The following RANBP10 variants were observed in gnomAD, a reference collection of about 807,000 sequenced individuals.
RANBP10 encodes ran-binding protein 10.
Under a neutral mutation model 72.8 loss-of-function variants are expected in RANBP10, and 24 were observed. The ratio of observed to expected loss-of-function variants is 0.33; its 90% confidence interval spans 0.24 to 0.46. The LOEUF is 0.46. RANBP10 is among the 20% of genes least tolerant of loss of function. The pLI, the probability that RANBP10 is intolerant of heterozygous loss-of-function variation, is 1.00. For missense variants in RANBP10, 679 were observed against 817.5 expected (o/e 0.83, Z 2.07); for synonymous variants, 310 against 322.3 (o/e 0.96, Z 0.41).
At chr16:67,768,991 T>C (rs1325481162) in intron 3 of RANBP10, among the ~76,000 whole-genome samples, 1 of 152,252 alleles carries the variant, frequency 6.6e-6, no homozygotes, top group Non-Finnish European at 1.5e-5. Context: ...ATTACAAGTT[T>C]TTCTGTAGCT....
intron 3 of RANBP10, among the ~76,000 whole-genome samples, chr16:67,767,009 A>G (rs1297870908): frequency 6.6e-6 from 1 of 152,190 alleles, no homozygotes; most frequent in Non-Finnish European, 1.5e-5. Flanking sequence ...AGACAAGTGC[A>G]ATATCCACTG....
chr16:67,767,454 CAAAAAAAAAA>C (rs1178049394), intron 3 of RANBP10, among the ~76,000 whole-genome samples: 18,396 of 64,166 alleles, frequency 0.29, 1,567 homozygotes, highest in African/African-American at 0.35. Flanking sequence ...GACCCTGTTT[CAAAAAAAAAA>C]AAAAAAAAAA....
intron 2 of RANBP10, among the ~76,000 whole-genome samples, chr16:67,797,000 C>T (rs754538958): frequency 2.0e-5 from 3 of 152,284 alleles, no homozygotes; most frequent in Middle Eastern, 3.4e-3. Flanking sequence ...CAACTTGACC[C>T]GACCACACAA....
intron 3 of RANBP10, 61 bp downstream of exon 3, chr16:67,771,973 G>T: frequency 6.4e-7 from 1 of 1,564,170 alleles, no homozygotes. Flanking sequence ...CTACCACCAT[G>T]ACTCTCAACC....
intron 2 of RANBP10, among the ~76,000 whole-genome samples, chr16:67,794,930 T>TAAAAAAAAAAAAAAAAAAA (rs1239858200): frequency 1.8e-5 from 1 of 54,288 alleles, no homozygotes; most frequent in African/African-American, 6.0e-5. Flanking sequence ...TGCCTCAAAT[T>TAAAAAAAAAAAAAAAAAAA]AAAAAAAAAA....
intron 5 of RANBP10, among the ~76,000 whole-genome samples, chr16:67,736,574 A>G (rs1387258799): frequency 1.3e-5 from 2 of 151,864 alleles, no homozygotes; most frequent in African/African-American, 4.8e-5. Flanking sequence ...TTCCCCTACC[A>G]TCCTCCACCA....
chr16:67,744,124 C>G (rs924902267), intron 4 of RANBP10, 164 bp downstream of exon 4: 1 of 1,406,522 alleles, frequency 7.1e-7, no homozygotes. Context: ...CAAAGGCGTG[C>G]CCCTGCTACC....
At chr16:67,733,408 TA>T (rs1438367125) in intron 6 of RANBP10, among the ~76,000 whole-genome samples, 2 of 152,080 alleles carry the variant, frequency 1.3e-5, no homozygotes, top group Non-Finnish European at 2.9e-5. Flanking sequence ...TACACCATAT[TA>T]TTATTATAAA....
Position 67,729,306 on chromosome 16 carries a change from G to T in RANBP10, c.1326C>A (p.His442Gln). The T allele has an allele frequency of 6.2e-7, 1 of 1,612,680 alleles. No individual in the cohort carries two copies. Among genetic ancestry groups the T allele is most frequent in the Non-Finnish European group, 8.5e-7 (1 of 1,179,794 alleles). ...TGGTCTCCTGGTTACTGGTACTGCT[G>T]TGGTGCTGGGACTTGGTGGAGTCTG... ...NSTDSTKSQH[H>Q]SSTSNQETSD... is the part of the protein sequence containing the mutation. The change falls in exon 10 of 14, where the codon CAC (histidine) becomes CAA (glutamine). Residue 442 changes from histidine (H) to glutamine (Q), a missense_variant. Physicochemically the swap from His to Gln is conservative, Grantham distance 24. Transcript: ENST00000317506. The surrounding 1 kb of genome is among the most constrained non-coding windows in gnomAD (Gnocchi z 7.1).
intron 2 of RANBP10, among the ~76,000 whole-genome samples, chr16:67,790,178 T>C (rs1252104124): frequency 2.0e-5 from 3 of 151,168 alleles, no homozygotes; most frequent in Non-Finnish European, 4.4e-5. Context: ...CATAATGCTA[T>C]GTGAAATGGG....
chr16:67,729,961 GT>G lies in RANBP10; in HGVS notation c.974del (p.Asn325ThrfsTer17). The G allele has an allele frequency of 6.2e-7, 1 of 1,613,814 alleles. No individual in the cohort carries two copies. The highest frequency in any genetic ancestry group is 8.5e-7 in the Non-Finnish European group (1 of 1,180,028). Reference sequence around the variant, plus strand: ...ACTTGAGCATGAAGAGGAGGTTGGGGTTGTGCTCCAGCAGCCCTGGGTAGAA... The same window carrying G: ...ACTTGAGCATGAAGAGGAGGTTGGGGTGTGCTCCAGCAGCCCTGGGTAGAA... ...QRFYPGLLEH[N>X]PNLLFMLKCR... On this transcript the variant is annotated frameshift_variant, in exon 8 of 14. Coordinates refer to ENST00000317506, the MANE Select transcript of RANBP10 (RefSeq NM_020850.3). LOFTEE classifies it high-confidence loss of function. The surrounding 1 kb of genome is among the most constrained non-coding windows in gnomAD (Gnocchi z 7.1).
chr16:67,727,510 G>A (rs2053628398), intron 12 of RANBP10, 72 bp from the exon 13 acceptor site: 2 of 1,439,512 alleles, frequency 1.4e-6, no homozygotes, highest in Admixed American at 4.0e-5. Flanking sequence ...TGGCTCCAGA[G>A]GGAGACAGGG....
chr16:67,770,434 C>CT (rs1330302211), intron 3 of RANBP10, among the ~76,000 whole-genome samples: 5 of 151,806 alleles, frequency 3.3e-5, no homozygotes, highest in Admixed American at 2.0e-4. Flanking sequence ...AGAAATCAGT[C>CT]TACTAGAAAA....
intron 3 of RANBP10, chr16:67,759,550 T>A (rs576559489): frequency 6.6e-6 from 1 of 152,302 alleles, no homozygotes; most frequent in African/African-American, 2.4e-5. Context: ...AGAAGCATAG[T>A]GGGCCCTGAT....
At chr16:67,755,100 G>A (rs544213544) in intron 3 of RANBP10, among the ~76,000 whole-genome samples, 1 of 152,002 alleles carries the variant, frequency 6.6e-6, no homozygotes, top group Non-Finnish European at 1.5e-5. Flanking sequence ...CCTCCTTCCC[G>A]ACCCAACCAC....
chr16:67,767,599 A>T (rs1314879048), intron 3 of RANBP10, among the ~76,000 whole-genome samples: 1 of 149,496 alleles, frequency 6.7e-6, no homozygotes. Flanking sequence ...TTGTCTCTAC[A>T]ATTTTTTTTT....
Position 67,806,469 on chromosome 16 carries a change from G to A in RANBP10, c.68C>T (p.Ala23Val), listed in dbSNP as rs2055448668. 6.4e-7 allele frequency: 1 copy of A among 1,556,692 alleles called. No individual in the cohort carries two copies. Among genetic ancestry groups the A allele is most frequent in the Non-Finnish European group, 8.7e-7 (1 of 1,156,036 alleles). The change falls in exon 1 of 14, where the codon GCT becomes GTT. Residue 23 changes from alanine to valine, a missense_variant. Ala to Val is a moderately conservative substitution (Grantham distance 64). Transcript: ENST00000317506. ...PQPGDSSGGG[A>V]GGGLPSPGEQ... The stretch of plus-strand genomic sequence containing the variant: ...CCCAGGGGACGGCAGCCCGCCCCCA[G>A]CGCCCCCGCCGGAGGAGTCCCCAGG...
chr16:67,730,651 G>A lies in RANBP10; in HGVS notation c.890-605C>T, dbSNP rs116198521. Among the ~76,000 whole-genome samples the A allele has an allele frequency of 0.012, 1,768 of 152,278 alleles. 28 individuals are homozygous for A. The highest frequency in any genetic ancestry group is 0.035 in the African/African-American group (1,442 of 41,550). ...CTTGCCGTGGGGCCTGGTGCATCTC[G>A]CTGGGAGCAACTTCAGAGTCTGAGG... On this transcript the variant is annotated intron_variant, in intron 7 of 13. Coordinates refer to ENST00000317506, the MANE Select transcript of RANBP10 (RefSeq NM_020850.3). The surrounding 1 kb of genome is among the most constrained non-coding windows in gnomAD (Gnocchi z 4.3).
chr16:67,728,688 G>A, intron 10 of RANBP10, 177 bp from the exon 11 acceptor site: 2 of 1,192,400 alleles, frequency 1.7e-6, no homozygotes, highest in Non-Finnish European at 2.3e-6. Flanking sequence ...TGTGACACCA[G>A]CTATCCTCAG....
Sources: gnomAD v4.1 joint callset for allele counts (sites outside exome capture counted in the v4.1 genomes callset) on GRCh38, gnomAD v4.1.1 for gene constraint, Gnocchi (gnomAD v3.1) non-coding constraint, MANE v1.5 for transcripts, NCBI Gene and HGNC (gene_info 2026-07-23, HGNC 2026-07-21) for gene names.